Variants in NFAT5 observed in about 807,000 individuals in gnomAD.
NFAT5 encodes nuclear factor of activated T-cells 5.
NFAT5 carries 31 observed loss-of-function variants against 166.5 expected under a neutral mutation model. The observed-to-expected ratio is 0.19, with a 90% CI of 0.14 to 0.25. The LOEUF (loss-of-function observed/expected upper bound fraction) is 0.25, where lower values mean the gene tolerates loss of function less well. Among genes scored for constraint, NFAT5 ranks in the 10% least tolerant of loss-of-function variants. NFAT5 has a pLI of 1.00. For missense variants in NFAT5, 1,449 were observed against 1,821.8 expected, an observed-to-expected ratio of 0.80 and a Z score of 3.72; for synonymous variants, 612 against 639.7, an observed-to-expected ratio of 0.96 and a Z score of 0.65.
At chr16:69,655,375 A>G (rs2035834257) in intron 5 of NFAT5, among the ~76,000 whole-genome samples, 1 of 152,170 alleles carries the variant, frequency 6.6e-6, no homozygotes, top group South Asian at 2.1e-4. Context: ...TTTATCATCT[A>G]ACATCTAAAT....
intron 2 of NFAT5, among the ~76,000 whole-genome samples, chr16:69,609,685 A>C (rs1203431869): frequency 6.6e-6 from 1 of 152,072 alleles, no homozygotes; most frequent in African/African-American, 2.4e-5. Flanking sequence ...TGTAGAATAG[A>C]AAAGACAAAG....
At chr16:69,583,379 TA>T (rs199954217) in intron 2 of NFAT5, among the ~76,000 whole-genome samples, 13,132 of 141,176 alleles carry the variant, frequency 0.093, 655 homozygotes, top group South Asian at 0.22. Flanking sequence ...CCCAGCTAAT[TA>T]AAAAAAAAAA....
Position 69,693,992 on chromosome 16 carries a change from A to C in NFAT5, c.4167A>C (p.Gln1389His). ...VQGSPSSQEQQVTLFLSPASM... is the reference protein window; with the variant it reads ...VQGSPSSQEQHVTLFLSPASM... ...GGTCACCTAGTTCTCAAGAGCAGCA[A>C]GTAACTCTCTTCTTATCTCCAGCAT... Residue 1389 changes from glutamine to histidine, a missense_variant, in exon 13 of 15, where the codon CAA (glutamine) becomes CAC (histidine). Gln to His is a conservative substitution (Grantham distance 24). This residue lies in a region of NFAT5 where 891 missense variants were observed against 993.0 expected (regional missense o/e 0.90). Coordinates refer to ENST00000349945, the MANE Select transcript of NFAT5 (RefSeq NM_138713.4). 1 of 1,614,190 alleles carries C rather than the reference A, an allele frequency of 6.2e-7. No homozygotes were observed. The highest frequency in any genetic ancestry group is 2.2e-5 in the East Asian group (1 of 44,878).
intron 3 of NFAT5, among the ~76,000 whole-genome samples, chr16:69,630,770 A>G (rs1597434993): frequency 2.0e-5 from 3 of 152,344 alleles, no homozygotes. Context: ...AAACATAGGT[A>G]TTAGGAGAAC....
intron 3 of NFAT5, among the ~76,000 whole-genome samples, chr16:69,641,358 A>T (rs1439566733): frequency 1.4e-5 from 2 of 148,020 alleles, no homozygotes; most frequent in Non-Finnish European, 3.0e-5. Flanking sequence ...TCAATAATTT[A>T]TTCCTTCTTT....
chr16:69,655,781 G>A lies in NFAT5; in HGVS notation c.1178G>A (p.Ser393Asn). Residue 393 changes from serine to asparagine, a missense_variant, in exon 6 of 15, where the codon AGC becomes AAC. Transcript: ENST00000349945. ...TTVIEVGLDP[S>N]NNMTLAVDCV... ...GTTATAGAAGTCGGCCTTGATCCTA[G>A]CAACAACATGACACTGGCGTAAGTA... The A allele has an allele frequency of 1.2e-6, 2 of 1,612,578 alleles. No individual in the cohort carries two copies. Among genetic ancestry groups the A allele is most frequent in the Non-Finnish European group, 1.7e-6 (2 of 1,179,106 alleles).
intron 7 of NFAT5, among the ~76,000 whole-genome samples, chr16:69,665,904 A>G (rs2036354767): frequency 4.4e-5 from 1 of 22,908 alleles, no homozygotes; most frequent in Non-Finnish European, 7.6e-5. Flanking sequence ...GCATCACACT[A>G]CCTGACTTCA....
rs74026890 is a variant in NFAT5, at chr16:69,621,461, T to C, written c.128-4942T>C. 7.2e-3 allele frequency among the ~76,000 whole-genome samples: 1,092 copies of C among 152,286 alleles called. 15 individuals carry two copies. Among genetic ancestry groups the C allele is most frequent in the African/African-American group, 0.025 (1,048 of 41,556 alleles). ...TCTTTTCTCTCTCATCTAAGTGATT[T>C]TGCTTTTGTTTTCTAAGGAAGTCTT... On this transcript the variant is annotated intron_variant, in intron 2 of 14. Coordinates refer to ENST00000349945, the MANE Select transcript of NFAT5 (RefSeq NM_138713.4).
intron 3 of NFAT5, among the ~76,000 whole-genome samples, chr16:69,637,289 C>T (rs1475467987): frequency 2.0e-5 from 3 of 152,210 alleles, no homozygotes; most frequent in Admixed American, 6.5e-5. Flanking sequence ...CCACACTTTC[C>T]CACATTTTCC....
In NFAT5 at chr16:69,677,288, C is replaced by T; in HGVS notation, c.1643C>T (p.Ala548Val). Reference sequence around the variant, plus strand: ...GTGGGAATATATGTAGTGACAAATGCTGGAAGATCTCATGATGTTCAACCA... The same window carrying T: ...GTGGGAATATATGTAGTGACAAATGTTGGAAGATCTCATGATGTTCAACCA... ...VSVGIYVVTN[A>V]GRSHDVQPFT... Residue 548 changes from alanine (A) to valine (V), a missense_variant, in exon 10 of 15, where the codon GCT (alanine) becomes GTT (valine). Transcript: ENST00000349945. 6.2e-7 allele frequency: 1 copy of T among 1,611,970 alleles called. No individual in the cohort carries two copies. The highest frequency in any genetic ancestry group is 8.5e-7 in the Non-Finnish European group (1 of 1,179,202).
chr16:69,675,172 C>G (rs533336216), intron 9 of NFAT5, among the ~76,000 whole-genome samples: 1 of 152,322 alleles, frequency 6.6e-6, no homozygotes, highest in East Asian at 1.9e-4. Context: ...CTTAAATGTG[C>G]TCTCCAAAGC....
chr16:69,602,417 C>A (rs1366509445), intron 2 of NFAT5, among the ~76,000 whole-genome samples: 1 of 151,714 alleles, frequency 6.6e-6, no homozygotes, highest in African/African-American at 2.4e-5. Flanking sequence ...CAGGCATGTG[C>A]CACCACGCCT....
intron 2 of NFAT5, among the ~76,000 whole-genome samples, chr16:69,581,012 A>G (rs1026600555): frequency 2.0e-5 from 3 of 152,148 alleles, no homozygotes; most frequent in Non-Finnish European, 2.9e-5. Flanking sequence ...AATTGAGAAA[A>G]AATTCGGTTA....
At chr16:69,649,446 C>T in intron 4 of NFAT5, 2 of 984,492 alleles carry the variant, frequency 2.0e-6, no homozygotes, top group Non-Finnish European at 2.4e-6. Context: ...ATAGCTATAT[C>T]TTAGAAATGA....
At chr16:69,570,692 T>G (rs185775630) in intron 2 of NFAT5, among the ~76,000 whole-genome samples, 2 of 152,292 alleles carry the variant, frequency 1.3e-5, no homozygotes, top group African/African-American at 4.8e-5. Flanking sequence ...CTGCCCTCTT[T>G]TCAAGACAGA....
chr16:69,609,396 G>A (rs2033593257), intron 2 of NFAT5, among the ~76,000 whole-genome samples: 1 of 152,016 alleles, frequency 6.6e-6, no homozygotes, highest in Admixed American at 6.6e-5. Flanking sequence ...TGAAATCCCA[G>A]GCATCTTCAT....
chr16:69,629,678 G>A (rs1053396514), intron 3 of NFAT5, among the ~76,000 whole-genome samples: 9 of 150,740 alleles, frequency 6.0e-5, no homozygotes, highest in East Asian at 5.9e-4. Context: ...TGCGAGGTGC[G>A]ATCATAGCTC....
intron 10 of NFAT5, among the ~76,000 whole-genome samples, chr16:69,682,513 G>A (rs2037113597): frequency 6.6e-6 from 1 of 151,608 alleles, no homozygotes. Context: ...CCAGCTACTT[G>A]GGAGGCTGAG....
chr16:69,639,624 A>C lies in NFAT5; in HGVS notation c.254-7404A>C, dbSNP rs181128692. Among the ~76,000 whole-genome samples, 273 of 152,334 alleles carry C rather than the reference A, an allele frequency of 1.8e-3. 1 individual carries two copies. Among genetic ancestry groups the C allele is most frequent in the Middle Eastern group, 0.017 (5 of 294 alleles). Reference sequence around the variant, plus strand: ...TTATACAAAGTAGCATGTATCATTAAAAGTATAAATTGGTATCCTTTTTAA... The same window carrying C: ...TTATACAAAGTAGCATGTATCATTACAAGTATAAATTGGTATCCTTTTTAA... On this transcript the variant is annotated intron_variant, in intron 3 of 14. Transcript: ENST00000349945.
Sources: allele counts gnomAD v4.1 joint callset (sites outside exome capture counted in the v4.1 genomes callset), GRCh38; gene constraint gnomAD v4.1.1; regional missense constraint gnomAD v4.1.1; transcripts MANE v1.5; gene names NCBI Gene and HGNC (gene_info 2026-07-23, HGNC 2026-07-21).